Variants in FAM227B observed in about 807,000 individuals in gnomAD.
The protein encoded by FAM227B is family with sequence similarity 227 member B, also known as protein FAM227B.
A neutral mutation model predicts 73.8 loss-of-function variants in FAM227B; 88 were observed. That is an observed-to-expected ratio of 1.19 (90% CI 1.00 to 1.42). The LOEUF (loss-of-function observed/expected upper bound fraction) is 1.42, where lower values mean the gene tolerates loss of function less well. FAM227B is among the 40% of genes most tolerant of loss of function. The pLI is 0.00. For synonymous variants in FAM227B, 210 were observed against 190.5 expected (o/e 1.10, Z -0.84); for missense variants, 632 against 590.9 (o/e 1.07, Z -0.72).
intron 11 of FAM227B, among the ~76,000 whole-genome samples, chr15:49,394,176 G>C (rs1596823589): frequency 6.6e-6 from 1 of 152,232 alleles, no homozygotes; most frequent in East Asian, 1.9e-4. Flanking sequence ...TTTCCCCCCA[G>C]CTGTAAAATG....
At chr15:49,421,729 C>G (rs141195104) in intron 11 of FAM227B, among the ~76,000 whole-genome samples, 109 of 152,288 alleles carry the variant, frequency 7.2e-4, no homozygotes, top group African/African-American at 2.3e-3. Flanking sequence ...GAAGCAATAT[C>G]TAAGTCCTAG....
At chr15:49,613,432 C>A (rs539972630) in intron 2 of FAM227B, among the ~76,000 whole-genome samples, 1 of 151,996 alleles carries the variant, frequency 6.6e-6, no homozygotes, top group African/African-American at 2.4e-5. Context: ...ACCCCAGAGG[C>A]GGAGGTTGCG....
chr15:49,617,627 TAAA>T (rs61396000), intron 1 of FAM227B, among the ~76,000 whole-genome samples: 18 of 151,566 alleles, frequency 1.2e-4, no homozygotes, highest in Non-Finnish European at 2.4e-4. Context: ...TGCAAGATAC[TAAA>T]AAAAAATTCA....
At chr15:49,461,079 C>T (rs375372878) in intron 11 of FAM227B, among the ~76,000 whole-genome samples, 320 of 152,182 alleles carry the variant, frequency 2.1e-3, no homozygotes, top group South Asian at 6.9e-3. Flanking sequence ...TAGTCTATTT[C>T]CTTCTAGTAT....
intron 3 of FAM227B, among the ~76,000 whole-genome samples, chr15:49,601,041 C>CA (rs1215100007): frequency 0.25 from 22,257 of 90,538 alleles, 2,248 homozygotes; most frequent in Non-Finnish European, 0.31. Context: ...GACTCTGTCT[C>CA]AAAAAAAAAA....
chr15:49,576,390 G>T (rs1466731217), intron 7 of FAM227B: 1 of 168,852 alleles, frequency 5.9e-6, no homozygotes, highest in African/African-American at 2.4e-5. Context: ...CACCCAGAAG[G>T]GTTGTGAAGA....
intron 10 of FAM227B, among the ~76,000 whole-genome samples, chr15:49,539,967 G>A (rs1312695243): frequency 6.6e-6 from 1 of 152,216 alleles, no homozygotes; most frequent in African/African-American, 2.4e-5. Context: ...TGCAAAGAGT[G>A]TCTGTGGCTC....
intron 11 of FAM227B, among the ~76,000 whole-genome samples, chr15:49,497,562 T>C (rs114341913): frequency 0.014 from 2,080 of 152,302 alleles, 50 homozygotes; most frequent in African/African-American, 0.048. Context: ...ACACAGAAGA[T>C]AGTTTTAAAA....
At chr15:49,449,229 G>A (rs898624092) in intron 11 of FAM227B, among the ~76,000 whole-genome samples, 3 of 151,844 alleles carry the variant, frequency 2.0e-5, no homozygotes, top group African/African-American at 7.3e-5. Context: ...CTCATATTGG[G>A]CTCCTAGTAT....
intron 3 of FAM227B, among the ~76,000 whole-genome samples, chr15:49,592,671 C>T (rs943355411): frequency 6.6e-6 from 1 of 152,220 alleles, no homozygotes; most frequent in African/African-American, 2.4e-5. Flanking sequence ...GGCAGTCTGT[C>T]CATTCTCAGA....
At chr15:49,570,259 T>C (rs373416682) in intron 8 of FAM227B, among the ~76,000 whole-genome samples, 1 of 151,928 alleles carries the variant, frequency 6.6e-6, no homozygotes, top group Non-Finnish European at 1.5e-5. Flanking sequence ...TATACAAGCA[T>C]TTCCTTTTCT....
intron 11 of FAM227B, among the ~76,000 whole-genome samples, chr15:49,403,241 T>C (rs1441506993): frequency 2.0e-5 from 3 of 152,160 alleles, no homozygotes; most frequent in Admixed American, 2.0e-4. Context: ...TGAAGTTGTA[T>C]CTCTACCAGG....
At chr15:49,523,819 C>G (rs1427108480) in intron 10 of FAM227B, among the ~76,000 whole-genome samples, 1 of 152,168 alleles carries the variant, frequency 6.6e-6, no homozygotes. Context: ...TTGTTGGAAA[C>G]TGGAGCAAAG....
intron 11 of FAM227B, among the ~76,000 whole-genome samples, chr15:49,372,219 TATAA>T (rs1379179588): frequency 2.7e-5 from 4 of 149,856 alleles, no homozygotes; most frequent in African/African-American, 7.3e-5. Context: ...AAAATTCACT[TATAA>T]ATAAATGAAA....
intron 11 of FAM227B, among the ~76,000 whole-genome samples, chr15:49,416,104 A>C (rs1388089953): frequency 6.7e-6 from 1 of 149,654 alleles, no homozygotes; most frequent in East Asian, 2.0e-4. Flanking sequence ...CATTCATATT[A>C]GCCTTCATTC....
At chr15:49,406,120 G>A (rs2048491756) in intron 11 of FAM227B, among the ~76,000 whole-genome samples, 1 of 152,172 alleles carries the variant, frequency 6.6e-6, no homozygotes, top group African/African-American at 2.4e-5. Context: ...CCACTGTCCT[G>A]GGGGAGCTGA....
intron 11 of FAM227B, among the ~76,000 whole-genome samples, chr15:49,451,463 G>C (rs920682493): frequency 2.6e-5 from 4 of 151,924 alleles, no homozygotes; most frequent in Non-Finnish European, 4.4e-5. Context: ...ATATATGTTT[G>C]CTTAAATCTA....
intron 11 of FAM227B, among the ~76,000 whole-genome samples, chr15:49,496,758 T>G (rs907925281): frequency 5.3e-5 from 8 of 152,208 alleles, no homozygotes; most frequent in African/African-American, 1.9e-4. Context: ...TGTTTTAGAT[T>G]AGAAGAAGCA....
intron 3 of FAM227B, among the ~76,000 whole-genome samples, chr15:49,599,229 A>G (rs1313436528): frequency 6.6e-6 from 1 of 152,024 alleles, no homozygotes; most frequent in East Asian, 1.9e-4. Flanking sequence ...TTACTTGTAT[A>G]TAATTTCTCA....
Sources: gnomAD v4.1 joint callset for allele counts (sites outside exome capture counted in the v4.1 genomes callset) on GRCh38, gnomAD v4.1.1 for gene constraint, MANE v1.5 for transcripts, NCBI Gene and HGNC (gene_info 2026-07-23, HGNC 2026-07-21) for gene names.